The following TRIOBP variants were observed in gnomAD, a reference collection of about 807,000 sequenced individuals.
TRIOBP encodes TRIO and F-actin-binding protein.
Under a neutral mutation model 238.8 loss-of-function variants are expected in TRIOBP, and 169 were observed. The observed-to-expected ratio is 0.71, with a 90% CI of 0.62 to 0.80. The LOEUF is 0.80. Ranked by LOEUF, TRIOBP falls within the 30% of genes least tolerant of loss-of-function variation. TRIOBP has a pLI of 0.00. For synonymous variants in TRIOBP, 1,150 were observed against 1,274.4 expected (o/e 0.90, Z 2.08); for missense variants, 2,838 against 3,122.6 (o/e 0.91, Z 2.17).
intron 17 of TRIOBP, chr22:37,759,642 C>T (rs1340855190): frequency 3.3e-6 from 5 of 1,533,760 alleles, no homozygotes; most frequent in Middle Eastern, 2.3e-4. Flanking sequence ...ACTCCCTGAA[C>T]ACAGGGAAAT....
chr22:37,734,143 A>C (rs1924548300), intron 8 of TRIOBP, among the ~76,000 whole-genome samples: 1 of 152,230 alleles, frequency 6.6e-6, no homozygotes, highest in African/African-American at 2.4e-5. Context: ...AGTTGGAATC[A>C]GTATCTTTGA....
At chr22:37,714,599 G>C (rs968325477) in intron 5 of TRIOBP, among the ~76,000 whole-genome samples, 1 of 152,008 alleles carries the variant, frequency 6.6e-6, no homozygotes, top group Non-Finnish European at 1.5e-5. Context: ...AACCCGGGAG[G>C]TTGCAGTGAG....
chr22:37,716,105 A>C (rs2145824704), intron 6 of TRIOBP, among the ~76,000 whole-genome samples, 171 bp downstream of exon 6: 1 of 152,244 alleles, frequency 6.6e-6, no homozygotes, highest in African/African-American at 2.4e-5. Context: ...TATGCTACCC[A>C]CTTTAATTAT....
chr22:37,746,215 G>GGAAAA, intron 11 of TRIOBP: 1 of 968,052 alleles, frequency 1.0e-6, no homozygotes, highest in Non-Finnish European at 1.2e-6. Flanking sequence ...CAGGAAGTTT[G>GGAAAA]AAAAAAAAAA....
In TRIOBP at chr22:37,705,378, C is replaced by G. The variant is rs562571656; in HGVS notation, c.114+3899C>G. Among the ~76,000 whole-genome samples, 9 of 151,662 alleles carry G rather than the reference C, an allele frequency of 5.9e-5. No individual in the cohort carries two copies. In the East Asian group the frequency reaches 1.8e-3, roughly 30 times the overall value. ...CAACAGAGCGAGAATCCTCTCAAAA[C>G]AAAACAAACAAACAAAGAATATGCA... On this transcript the variant is annotated intron_variant, in intron 3 of 23. Transcript: ENST00000644935.
intron 8 of TRIOBP, 144 bp from the exon 9 acceptor site, chr22:37,734,254 CA>C: frequency 2.6e-6 from 2 of 762,884 alleles, no homozygotes; most frequent in South Asian, 3.0e-5. Context: ...AGGGGTGGGG[CA>C]GAGACCCTGT....
intron 7 of TRIOBP, among the ~76,000 whole-genome samples, chr22:37,732,526 A>T (rs1924475180): frequency 6.6e-6 from 1 of 151,382 alleles, no homozygotes. Context: ...AAAAAAAAAA[A>T]AAAGACACTT....
chr22:37,746,457 G>C, intron 11 of TRIOBP: 1 of 1,416,586 alleles, frequency 7.1e-7, no homozygotes, highest in South Asian at 1.3e-5. Flanking sequence ...CCCGAGGCCG[G>C]GAGAAGGGCG....
chr22:37,703,722 C>T (rs559871984), intron 3 of TRIOBP, among the ~76,000 whole-genome samples: 15 of 151,436 alleles, frequency 9.9e-5, no homozygotes, highest in Admixed American at 2.0e-4. Context: ...GCCAGGATGG[C>T]CTCGATCTTC....
chr22:37,752,290 A>G (rs1321528527), intron 12 of TRIOBP, among the ~76,000 whole-genome samples: 1 of 152,206 alleles, frequency 6.6e-6, no homozygotes, highest in East Asian at 1.9e-4. Context: ...TGACATGGGC[A>G]TAATGGATAA....
At chr22:37,704,904 CAAAA>C (rs55816795) in intron 3 of TRIOBP, among the ~76,000 whole-genome samples, 4 of 131,318 alleles carry the variant, frequency 3.0e-5, no homozygotes, top group Non-Finnish European at 3.2e-5. Flanking sequence ...CCATTTCTAC[CAAAA>C]AAAAAAAAAA....
chr22:37,750,342 T>A (rs1601652355), intron 11 of TRIOBP, among the ~76,000 whole-genome samples: 1 of 151,906 alleles, frequency 6.6e-6, no homozygotes, highest in South Asian at 2.1e-4. Context: ...TAGGTGGGGG[T>A]AGGGGAGATG....
intron 9 of TRIOBP, among the ~76,000 whole-genome samples, chr22:37,737,738 T>G (rs963733166): frequency 3.3e-5 from 5 of 152,006 alleles, no homozygotes; most frequent in African/African-American, 9.7e-5. Flanking sequence ...TTTGCCTCAT[T>G]GGTGCTGAGC....
At chr22:37,737,622 C>T (rs1470077900) in intron 9 of TRIOBP, among the ~76,000 whole-genome samples, 7 of 145,946 alleles carry the variant, frequency 4.8e-5, no homozygotes, top group African/African-American at 1.8e-4. Flanking sequence ...GATCACGCCA[C>T]TGCACTCCAG....
chr22:37,709,132 C>T (rs1043334446), intron 3 of TRIOBP, among the ~76,000 whole-genome samples: 2 of 152,188 alleles, frequency 1.3e-5, no homozygotes, highest in African/African-American at 4.8e-5. Flanking sequence ...CCAGGCCTCC[C>T]CTGGCCTGGA....
chr22:37,726,691 G>C, intron 7 of TRIOBP, 188 bp downstream of exon 7: 1 of 634,452 alleles, frequency 1.6e-6, no homozygotes, highest in East Asian at 3.2e-5. Context: ...TTTTGTGTGT[G>C]TGTGTGGTTA....
chr22:37,758,930 C>T (rs1006029715), intron 16 of TRIOBP, among the ~76,000 whole-genome samples: 1 of 152,188 alleles, frequency 6.6e-6, no homozygotes, highest in Non-Finnish European at 1.5e-5. Context: ...GGCCAAGGCT[C>T]TCCCAGGTCA....
Position 37,769,249 on chromosome 22 carries a change from G to C in TRIOBP, c.6736-13G>C. On this transcript the variant is annotated splice_polypyrimidine_tract_variant and intron_variant, in intron 20 of 23. Coordinates refer to ENST00000644935, the MANE Select transcript of TRIOBP (RefSeq NM_001039141.3). ...TCCCGGCACCCCTCCCCTGACCACC[G>C]TGCCTCTCCCAGGAGCTGCATGGCC... 6.2e-7 allele frequency: 1 copy of C among 1,607,816 alleles called. No individual in the cohort carries two copies. The highest frequency in any genetic ancestry group is 8.5e-7 in the Non-Finnish European group (1 of 1,177,632).
intron 11 of TRIOBP, among the ~76,000 whole-genome samples, chr22:37,744,200 G>A (rs565482830): frequency 6.6e-6 from 1 of 152,032 alleles, no homozygotes; most frequent in South Asian, 2.1e-4. Flanking sequence ...ACCAGAGACG[G>A]GGTTTCACCA....
Sources: gnomAD v4.1 joint callset for allele counts (sites outside exome capture counted in the v4.1 genomes callset) on GRCh38, gnomAD v4.1.1 for gene constraint, MANE v1.5 for transcripts, NCBI Gene and HGNC (gene_info 2026-07-23, HGNC 2026-07-21) for gene names.